The following GRM1 variants were observed in gnomAD, a reference collection of about 807,000 sequenced individuals.
GRM1 encodes glutamate metabotropic receptor 1.
In GRM1, 33 loss-of-function variants were observed where a neutral mutation model predicts 90.9. That is an observed-to-expected ratio of 0.36 (90% CI 0.28 to 0.49). The LOEUF (loss-of-function observed/expected upper bound fraction) is 0.49, where lower values mean the gene tolerates loss of function less well. GRM1 is among the 20% of genes least tolerant of loss of function. The pLI, the probability that GRM1 is intolerant of heterozygous loss-of-function variation, is 0.99. For synonymous variants in GRM1, 700 were observed against 613.2 expected (o/e 1.14, Z -2.09); for missense variants, 1,190 against 1,534.3 (o/e 0.78, Z 3.75).
chr6:146,420,853 C>T (rs1357422542), intron 7 of GRM1, among the ~76,000 whole-genome samples: 1 of 151,856 alleles, frequency 6.6e-6, no homozygotes, highest in Non-Finnish European at 1.5e-5. Flanking sequence ...TTGACAGATA[C>T]AAAAAGGATG....
At chr6:146,296,713 T>C (rs973385738) in intron 2 of GRM1, among the ~76,000 whole-genome samples, 6 of 152,250 alleles carry the variant, frequency 3.9e-5, no homozygotes, top group African/African-American at 1.4e-4. Context: ...ATATCTAGAC[T>C]TATGGTTCTT....
chr6:146,035,262 A>G (rs577723544), intron 1 of GRM1, among the ~76,000 whole-genome samples: 1 of 152,094 alleles, frequency 6.6e-6, no homozygotes, highest in South Asian at 2.1e-4. Flanking sequence ...ATGAAGGACA[A>G]GTAATGGAGA....
intron 2 of GRM1, among the ~76,000 whole-genome samples, chr6:146,296,990 A>G (rs1352800592): frequency 6.6e-6 from 1 of 152,166 alleles, no homozygotes; most frequent in Non-Finnish European, 1.5e-5. Context: ...CTTACAGGCT[A>G]TTGTTGATAA....
At position 146,303,642 on chromosome 6, in the gene GRM1, G is replaced by A. The variant is rs143659319; in HGVS notation, c.951-969G>A. On this transcript the variant is annotated intron_variant, in intron 2 of 7. Coordinates refer to ENST00000282753, the MANE Select transcript of GRM1 (RefSeq NM_001278064.2). The stretch of plus-strand genomic sequence containing the variant: ...TGGCAGGAGTCTAATGTGACAATTA[G>A]CAAACACAGATGCCTAATCACATGG... 9.2e-5 allele frequency among the ~76,000 whole-genome samples: 14 copies of A among 152,220 alleles called. No homozygotes were observed. The East Asian group carries it at 1.9e-3, about 21-fold the overall frequency.
intron 1 of GRM1, among the ~76,000 whole-genome samples, chr6:146,072,099 A>G (rs1202391573): frequency 6.6e-6 from 1 of 152,216 alleles, no homozygotes; most frequent in African/African-American, 2.4e-5. Flanking sequence ...TTTGATAAAC[A>G]TAAAGCATTA....
At chr6:146,334,852 T>C (rs906671717) in intron 3 of GRM1, among the ~76,000 whole-genome samples, 1 of 152,148 alleles carries the variant, frequency 6.6e-6, no homozygotes, top group African/African-American at 2.4e-5. Flanking sequence ...TTGAGGCCTT[T>C]GTCTTGACAA....
Position 146,151,781 on chromosome 6 carries a change from T to G in GRM1, c.701-7567T>G, listed in dbSNP as rs1562495072. On this transcript the variant is annotated intron_variant, in intron 1 of 7. Coordinates refer to ENST00000282753, the MANE Select transcript of GRM1 (RefSeq NM_001278064.2). Reference sequence around the variant, plus strand: ...TTTTCAGTGCCTATCTTAACTTTACTCTGGTATAAACAATCATGTCCACTT... The same window carrying G: ...TTTTCAGTGCCTATCTTAACTTTACGCTGGTATAAACAATCATGTCCACTT... Among the ~76,000 whole-genome samples, 9 of 152,310 alleles carry G rather than the reference T, an allele frequency of 5.9e-5. 1 individual carries two copies. The South Asian group carries it at 1.9e-3, about 32-fold the overall frequency.
At chr6:146,309,063 GTATTT>G (rs1170075655) in intron 3 of GRM1, among the ~76,000 whole-genome samples, 1 of 151,888 alleles carries the variant, frequency 6.6e-6, no homozygotes, top group African/African-American at 2.4e-5. Context: ...TTCTTAAGTT[GTATTT>G]CTAGAAGTTA....
At chr6:146,351,992 T>C (rs952137503) in intron 3 of GRM1, among the ~76,000 whole-genome samples, 1 of 152,232 alleles carries the variant, frequency 6.6e-6, no homozygotes, top group Non-Finnish European at 1.5e-5. Context: ...AAGTCCTTTA[T>C]TTTCGCCTCT....
At chr6:146,153,272 T>C (rs113189838) in intron 1 of GRM1, among the ~76,000 whole-genome samples, 3 of 152,324 alleles carry the variant, frequency 2.0e-5, no homozygotes, top group African/African-American at 7.2e-5. Flanking sequence ...ATGAAAGTAA[T>C]AGAATGTTAA....
intron 2 of GRM1, among the ~76,000 whole-genome samples, chr6:146,280,018 G>A (rs527864130): frequency 3.4e-4 from 51 of 152,104 alleles, no homozygotes; most frequent in African/African-American, 9.9e-4. Flanking sequence ...GAACTTCTTG[G>A]ATGTGTGGGT....
At chr6:146,239,462 T>C (rs1175888281) in intron 2 of GRM1, among the ~76,000 whole-genome samples, 1 of 152,166 alleles carries the variant, frequency 6.6e-6, no homozygotes. Flanking sequence ...TGTGAGTTCC[T>C]TGCGGGCAAG....
intron 1 of GRM1, among the ~76,000 whole-genome samples, chr6:146,154,084 T>C (rs1056770343): frequency 2.0e-5 from 3 of 152,206 alleles, no homozygotes; most frequent in African/African-American, 7.2e-5. Context: ...CCTAAGGGTC[T>C]TTATTAGGTT....
In GRM1 at chr6:146,076,888, C is replaced by T. The variant is rs185758474; in HGVS notation, c.700+46671C>T. 1.1e-3 allele frequency among the ~76,000 whole-genome samples: 164 copies of T among 152,184 alleles called. 1 individual carries two copies. The highest frequency in any genetic ancestry group is 6.8e-3 in the Middle Eastern group (2 of 294). ...AAGTCTTCAGGCTGTGTTATCCCTG[C>T]GTATACCCTCCGTGGGAACTATATC... On this transcript the variant is annotated intron_variant, in intron 1 of 7. Transcript: ENST00000282753.
chr6:146,379,216 G>T (rs1006202335), intron 5 of GRM1, among the ~76,000 whole-genome samples: 6 of 151,746 alleles, frequency 4.0e-5, no homozygotes, highest in East Asian at 3.9e-4. Context: ...CCTTAGATTT[G>T]CCCATTTGAG....
At chr6:146,129,258 A>C (rs1776302949) in intron 1 of GRM1, among the ~76,000 whole-genome samples, 1 of 152,210 alleles carries the variant, frequency 6.6e-6, no homozygotes, top group South Asian at 2.1e-4. Flanking sequence ...CCATGTTCCT[A>C]CAGCTTGCAT....
intron 3 of GRM1, among the ~76,000 whole-genome samples, chr6:146,315,072 A>C (rs1783920367): frequency 6.6e-6 from 1 of 152,136 alleles, no homozygotes; most frequent in South Asian, 2.1e-4. Context: ...ACAGTAATGC[A>C]CTGGGGAGTT....
chr6:146,203,175 C>CAG (rs767329979), intron 2 of GRM1, among the ~76,000 whole-genome samples: 12 of 150,794 alleles, frequency 8.0e-5, no homozygotes, highest in Non-Finnish European at 1.2e-4. Flanking sequence ...GCCTGGGGGA[C>CAG]AGAGAGACTC....
At chr6:146,184,822 CAT>C (rs1249139649) in intron 2 of GRM1, among the ~76,000 whole-genome samples, 5 of 152,106 alleles carry the variant, frequency 3.3e-5, no homozygotes, top group Non-Finnish European at 7.4e-5. Flanking sequence ...TGCTCTTTAA[CAT>C]AGAGACAGGA....
Sources: allele counts gnomAD v4.1 joint callset (sites outside exome capture counted in the v4.1 genomes callset), GRCh38; gene constraint gnomAD v4.1.1; transcripts MANE v1.5; gene names NCBI Gene and HGNC (gene_info 2026-07-23, HGNC 2026-07-21).